PARD3: variants seen among roughly 807,000 people sequenced by gnomAD.
The protein encoded by PARD3 is partitioning defective 3 homolog.
Under a neutral mutation model 155.4 loss-of-function variants are expected in PARD3, and 75 were observed. That is an observed-to-expected ratio of 0.48 (90% CI 0.40 to 0.58). PARD3 has a LOEUF of 0.58. Among genes scored for constraint, PARD3 ranks in the 20% least tolerant of loss-of-function variants. PARD3 has a pLI of 0.00. For missense variants in PARD3, 1,642 were observed against 1,721.7 expected, an observed-to-expected ratio of 0.95 and a Z score of 0.82; for synonymous variants, 576 against 610.5, an observed-to-expected ratio of 0.94 and a Z score of 0.83.
intron 21 of PARD3, among the ~76,000 whole-genome samples, chr10:34,279,813 C>T (rs1956076080): frequency 6.6e-6 from 1 of 152,052 alleles, no homozygotes; most frequent in African/African-American, 2.4e-5. Context: ...AAACACAAGG[C>T]TTTGAAAGAT....
rs200927906 is a variant in PARD3, at chr10:34,509,584, AT to A, written c.403+7394del. Among the ~76,000 whole-genome samples the A allele has an allele frequency of 9.1e-3, 1,384 of 152,320 alleles. 12 individuals are homozygous for A. Among genetic ancestry groups the A allele is most frequent in the African/African-American group, 0.025 (1,057 of 41,562 alleles). On this transcript the variant is annotated intron_variant, in intron 3 of 24. Transcript: ENST00000374788. Reference sequence around the variant, plus strand: ...ATACTCTTAGGAACCATGAAAATCAATTCAATGATGCATAAAATGGAAAAAG... The same window carrying A: ...ATACTCTTAGGAACCATGAAAATCAATCAATGATGCATAAAATGGAAAAAG...
At chr10:34,367,574 C>T (rs574799145) in intron 12 of PARD3, among the ~76,000 whole-genome samples, 42 of 152,108 alleles carry the variant, frequency 2.8e-4, no homozygotes, top group African/African-American at 8.9e-4. Flanking sequence ...TGTGTTGGCA[C>T]GTGCCTGTAA....
intron 10 of PARD3, among the ~76,000 whole-genome samples, chr10:34,377,484 G>C (rs1244881844): frequency 6.6e-6 from 1 of 152,166 alleles, no homozygotes; most frequent in Non-Finnish European, 1.5e-5. Context: ...CAGCTACCAG[G>C]GGGGCTGAGG....
Position 34,565,877 on chromosome 10 carries a change from C to T in PARD3, c.223-48718G>A, listed in dbSNP as rs192251647. On this transcript the variant is annotated intron_variant, in intron 2 of 24. Transcript: ENST00000374788. ...GCTTTTCATAATTTGTTCCATTTTT[C>T]AAATTCAAGGAACAAAAAGTCGTGA... Among the ~76,000 whole-genome samples the T allele has an allele frequency of 2.6e-5, 4 of 152,220 alleles. No homozygotes were observed. In the East Asian group the frequency reaches 7.7e-4, roughly 29 times the overall value.
chr10:34,177,651 AG>A (rs918917584), intron 22 of PARD3, among the ~76,000 whole-genome samples: 1 of 152,280 alleles, frequency 6.6e-6, no homozygotes, highest in South Asian at 2.1e-4. Flanking sequence ...TTAGAACGCA[AG>A]ACTCGCCTCC....
At chr10:34,406,656 T>C (rs548661557) in intron 5 of PARD3, among the ~76,000 whole-genome samples, 11 of 152,254 alleles carry the variant, frequency 7.2e-5, no homozygotes, top group South Asian at 6.2e-4. Flanking sequence ...GCCTCCCAAA[T>C]AGCTGCAACT....
chr10:34,157,977 G>C (rs1949094413), intron 22 of PARD3, among the ~76,000 whole-genome samples: 1 of 152,128 alleles, frequency 6.6e-6, no homozygotes, highest in Non-Finnish European at 1.5e-5. Flanking sequence ...ATATAAAACT[G>C]CAACAGATTA....
chr10:34,556,215 C>T (rs924854332), intron 2 of PARD3, among the ~76,000 whole-genome samples: 7 of 152,044 alleles, frequency 4.6e-5, no homozygotes, highest in Non-Finnish European at 5.9e-5. Flanking sequence ...ATGAAGAACC[C>T]GGTAGTACCG....
chr10:34,612,414 T>TA (rs2090977026), intron 2 of PARD3, among the ~76,000 whole-genome samples: 1 of 152,126 alleles, frequency 6.6e-6, no homozygotes, highest in African/African-American at 2.4e-5. Context: ...TAAAGCCTAA[T>TA]ACAACGGAAG....
chr10:34,488,987 G>A (rs1041400358), intron 3 of PARD3: 1 of 152,864 alleles, frequency 6.5e-6, no homozygotes, highest in Non-Finnish European at 1.5e-5. Context: ...TGGCCCCGCC[G>A]CTTGCCCGCC....
chr10:34,738,084 C>T (rs1348802767), intron 1 of PARD3, among the ~76,000 whole-genome samples: 1 of 152,198 alleles, frequency 6.6e-6, no homozygotes, highest in Non-Finnish European at 1.5e-5. Flanking sequence ...ATATTTTCTA[C>T]TCTATTCTTT....
At chr10:34,316,118 T>TA (rs986436582) in intron 20 of PARD3, among the ~76,000 whole-genome samples, 1 of 152,040 alleles carries the variant, frequency 6.6e-6, no homozygotes, top group Non-Finnish European at 1.5e-5. Flanking sequence ...TTTTGCAATT[T>TA]AAAAAAAAGT....
At chr10:34,313,437 C>T (rs1212963046) in intron 20 of PARD3, among the ~76,000 whole-genome samples, 1 of 152,144 alleles carries the variant, frequency 6.6e-6, no homozygotes, top group Non-Finnish European at 1.5e-5. Context: ...ATTTAAATTT[C>T]TGATTTAAGA....
chr10:34,687,407 G>A (rs1189998919), intron 2 of PARD3, among the ~76,000 whole-genome samples: 2 of 151,978 alleles, frequency 1.3e-5, no homozygotes, highest in African/African-American at 2.4e-5. Flanking sequence ...TTTTCTAACG[G>A]AACTGGCCAA....
At chr10:34,703,340 G>A (rs1335135292) in intron 1 of PARD3, among the ~76,000 whole-genome samples, 1 of 151,850 alleles carries the variant, frequency 6.6e-6, no homozygotes, top group African/African-American at 2.4e-5. Context: ...GGTGAGTTAC[G>A]ACTGGGCCAC....
rs978790007 is a variant in PARD3 at position 34,689,781 on chromosome 10, TCAAG to T, written c.222+6533_222+6536del. 1.8e-4 allele frequency among the ~76,000 whole-genome samples: 27 copies of T among 152,316 alleles called. 1 individual carries two copies. The highest frequency in any genetic ancestry group is 5.8e-4 in the African/African-American group (24 of 41,578). On this transcript the variant is annotated intron_variant, in intron 2 of 24. Coordinates refer to ENST00000374788, the MANE Select transcript of PARD3 (RefSeq NM_001184785.2). The stretch of plus-strand genomic sequence containing the variant: ...TTTAATATGCCACTATTTAAAAAGA[TCAAG>T]CATAGTTTGCCTTTTGCTTGGTTTT...
At chr10:34,410,569 A>C (rs1275176552) in intron 5 of PARD3, among the ~76,000 whole-genome samples, 1 of 152,218 alleles carries the variant, frequency 6.6e-6, no homozygotes, top group Non-Finnish European at 1.5e-5. Flanking sequence ...TGGCATGATC[A>C]TTTTAAGGTA....
chr10:34,151,334 A>G (rs187745575), intron 22 of PARD3, among the ~76,000 whole-genome samples: 34 of 152,290 alleles, frequency 2.2e-4, no homozygotes, highest in Admixed American at 1.1e-3. Flanking sequence ...TTTTTGAGAG[A>G]AAAGTCAGGA....
chr10:34,737,375 C>T (rs1332681014), intron 1 of PARD3, among the ~76,000 whole-genome samples: 2 of 152,184 alleles, frequency 1.3e-5, no homozygotes, highest in Non-Finnish European at 2.9e-5. Context: ...CTACATTTTG[C>T]CTTAAAGGAC....
Sources: allele counts gnomAD v4.1 joint callset (sites outside exome capture counted in the v4.1 genomes callset), GRCh38; gene constraint gnomAD v4.1.1; transcripts MANE v1.5; gene names NCBI Gene and HGNC (gene_info 2026-07-23, HGNC 2026-07-21).